Variants in CSMD1 observed in about 807,000 individuals in gnomAD.
The protein encoded by CSMD1 is CUB and Sushi multiple domains 1.
In CSMD1, 213 loss-of-function variants were observed where a neutral mutation model predicts 417.5. The ratio of observed to expected loss-of-function variants is 0.51; its 90% CI spans 0.46 to 0.57. CSMD1 has a LOEUF of 0.57. Ranked by LOEUF, CSMD1 falls within the 20% of genes least tolerant of loss-of-function variation. The probability of loss-of-function intolerance (pLI) is 0.00; values close to 1 mark genes in which losing one functional copy is unlikely to be tolerated. For synonymous variants in CSMD1, 2,862 were observed against 1,736.8 expected, an observed-to-expected ratio of 1.65 and a Z score of -16.11; for missense variants, 6,923 against 4,529.7, an observed-to-expected ratio of 1.53 and a Z score of -15.17.
intron 18 of CSMD1, among the ~76,000 whole-genome samples, chr8:3,371,888 T>A (rs560108922): frequency 6.6e-6 from 1 of 152,360 alleles, no homozygotes; most frequent in South Asian, 2.1e-4. Flanking sequence ...GAAGTAACAT[T>A]ATACATCCCA....
intron 2 of CSMD1, among the ~76,000 whole-genome samples, chr8:4,593,023 G>A (rs1465890363): frequency 6.6e-6 from 1 of 152,016 alleles, no homozygotes; most frequent in Non-Finnish European, 1.5e-5. Context: ...ATTTCTTATT[G>A]GTCTACATGC....
intron 7 of CSMD1, among the ~76,000 whole-genome samples, chr8:3,677,824 T>G (rs1015639037): frequency 6.6e-6 from 1 of 152,152 alleles, no homozygotes; most frequent in South Asian, 2.1e-4. Context: ...TAAAACTGCA[T>G]ATTTCAATAA....
chr8:4,275,225 T>C (rs1248189722), intron 3 of CSMD1, among the ~76,000 whole-genome samples: 1 of 152,196 alleles, frequency 6.6e-6, no homozygotes, highest in Admixed American at 6.5e-5. Context: ...TTTGTTTTTA[T>C]TGATTTTTTT....
intron 6 of CSMD1, among the ~76,000 whole-genome samples, chr8:3,750,590 C>G (rs946392329): frequency 1.3e-5 from 2 of 151,940 alleles, no homozygotes; most frequent in African/African-American, 4.8e-5. Flanking sequence ...AGGTACAATA[C>G]AATTTGGGCT....
intron 12 of CSMD1, among the ~76,000 whole-genome samples, chr8:3,446,208 C>T (rs1032124275): frequency 6.6e-6 from 1 of 152,202 alleles, no homozygotes; most frequent in African/African-American, 2.4e-5. Context: ...ATCGTGAATG[C>T]ACTTTCTGAA....
At chr8:4,214,123 T>G (rs983746723) in intron 3 of CSMD1, among the ~76,000 whole-genome samples, 2 of 145,186 alleles carry the variant, frequency 1.4e-5, no homozygotes, top group Middle Eastern at 6.8e-3. Flanking sequence ...TTTTTTTGTT[T>G]GTTTTGTTTT....
At chr8:4,169,918 A>G (rs963931092) in intron 3 of CSMD1, among the ~76,000 whole-genome samples, 10 of 152,008 alleles carry the variant, frequency 6.6e-5, no homozygotes, top group African/African-American at 2.4e-4. Flanking sequence ...CTATTATTAT[A>G]GAACGTAACT....
At chr8:3,753,668 T>C (rs1384243320) in intron 6 of CSMD1, among the ~76,000 whole-genome samples, 1 of 152,206 alleles carries the variant, frequency 6.6e-6, no homozygotes, top group Non-Finnish European at 1.5e-5. Context: ...AAATCAATGA[T>C]AATAAATAGC....
chr8:4,567,091 A>G (rs760108995), intron 2 of CSMD1, among the ~76,000 whole-genome samples: 1 of 151,116 alleles, frequency 6.6e-6, no homozygotes, highest in Non-Finnish European at 1.5e-5. Context: ...ATTAATCTGT[A>G]TTTTAAAATG....
intron 1 of CSMD1, among the ~76,000 whole-genome samples, chr8:4,946,615 G>C (rs1042064195): frequency 2.6e-5 from 4 of 152,092 alleles, no homozygotes; most frequent in Admixed American, 2.0e-4. Flanking sequence ...TAAGGAAGGA[G>C]GTACTAAATT....
chr8:3,755,397 T>A (rs1797600692), intron 5 of CSMD1, among the ~76,000 whole-genome samples: 1 of 152,234 alleles, frequency 6.6e-6, no homozygotes, highest in African/African-American at 2.4e-5. Flanking sequence ...TACAAGTGGT[T>A]GTGCACTGAA....
At chr8:3,551,655 C>T (rs992810514) in intron 10 of CSMD1, among the ~76,000 whole-genome samples, 6 of 145,416 alleles carry the variant, frequency 4.1e-5, no homozygotes, top group African/African-American at 1.3e-4. Context: ...CATTTAATAC[C>T]AAGCCAGTGT....
intron 25 of CSMD1, among the ~76,000 whole-genome samples, chr8:3,305,566 A>C (rs1301300550): frequency 4.6e-5 from 7 of 152,088 alleles, no homozygotes; most frequent in Non-Finnish European, 1.0e-4. Context: ...TCTCTAGTGT[A>C]CTTCCTTGCT....
At chr8:4,048,812 G>T (rs765154275) in intron 3 of CSMD1, among the ~76,000 whole-genome samples, 11 of 152,164 alleles carry the variant, frequency 7.2e-5, no homozygotes, top group Non-Finnish European at 1.0e-4. Flanking sequence ...GTAGTCACAA[G>T]CTTTATTCAC....
chr8:3,837,401 C>T (rs752219108), intron 5 of CSMD1, among the ~76,000 whole-genome samples: 39 of 152,122 alleles, frequency 2.6e-4, no homozygotes, highest in Non-Finnish European at 5.4e-4. Flanking sequence ...GTAGCATGCA[C>T]TTTGATCTCA....
At position 4,920,838 on chromosome 8, in the gene CSMD1, G is replaced by C. The variant is rs1272205717; in HGVS notation, c.85+73494C>G. Among the ~76,000 whole-genome samples, 4 of 30,730 alleles carry C rather than the reference G, an allele frequency of 1.3e-4. No individual in the cohort carries two copies. The South Asian group carries it at 0.012, about 89-fold the overall frequency. 20.2% of individuals were successfully genotyped at this position (30,730 alleles called of 152,430 possible). On this transcript the variant is annotated intron_variant, in intron 1 of 69. Coordinates refer to ENST00000635120, the MANE Select transcript of CSMD1 (RefSeq NM_033225.6). ...AACTCTGTCAAAGAAAAGAAAAAGA[G>C]AACGAAAGAAAAGAAAAGAAAAGAA... is the stretch of plus-strand genomic sequence containing the variant.
chr8:4,630,364 T>G (rs1304649550), intron 2 of CSMD1, among the ~76,000 whole-genome samples: 1 of 151,878 alleles, frequency 6.6e-6, no homozygotes, highest in Admixed American at 6.6e-5. Context: ...AGGAGAGAAT[T>G]AGGTATAACC....
chr8:3,703,767 T>C (rs1236973184), intron 7 of CSMD1, among the ~76,000 whole-genome samples: 2 of 152,120 alleles, frequency 1.3e-5, no homozygotes, highest in South Asian at 2.1e-4. Flanking sequence ...AGCTATTACA[T>C]ACCTGTATAA....
intron 10 of CSMD1, among the ~76,000 whole-genome samples, chr8:3,499,417 T>C (rs1437482084): frequency 6.6e-6 from 1 of 152,116 alleles, no homozygotes; most frequent in Non-Finnish European, 1.5e-5. Flanking sequence ...GAATGAGTTT[T>C]CTGGCAGTGG....
Sources: allele counts gnomAD v4.1 joint callset (sites outside exome capture counted in the v4.1 genomes callset), GRCh38; gene constraint gnomAD v4.1.1; transcripts MANE v1.5; gene names NCBI Gene and HGNC (gene_info 2026-07-23, HGNC 2026-07-21).